SMC6: variants seen among roughly 807,000 people sequenced by gnomAD.
The protein encoded by SMC6 is structural maintenance of chromosomes 6, also known as structural maintenance of chromosomes protein 6.
In SMC6, 79 loss-of-function variants were observed where a neutral mutation model predicts 142.2. The observed-to-expected ratio is 0.56, with a 90% CI of 0.46 to 0.67. SMC6 has a LOEUF of 0.67. Ranked by LOEUF, SMC6 falls within the 30% of genes least tolerant of loss-of-function variation. The pLI, the probability that SMC6 is intolerant of heterozygous loss-of-function variation, is 0.00. For synonymous variants in SMC6, 411 were observed against 412.4 expected (o/e 1.00, Z 0.04); for missense variants, 1,072 against 1,284.0 (o/e 0.83, Z 2.52).
Position 17,741,837 on chromosome 2 carries a change from T to A in SMC6, c.121-108A>T, listed in dbSNP as rs1377252078. The A allele has an allele frequency of 7.9e-6, 5 of 633,770 alleles. No homozygotes were observed. The South Asian group carries it at 1.3e-4, about 17-fold the overall frequency. 39.3% of individuals were successfully genotyped at this position (633,770 alleles called of 1,614,324 possible). On this transcript the variant is annotated intron_variant, in intron 3 of 27. Coordinates refer to ENST00000448223, the MANE Select transcript of SMC6 (RefSeq NM_001142286.2). ...CTAGCACCATCACCAATGAAAAAAT[T>A]TACAGAAAGTGAATAATGGTAACTT...
chr2:17,732,353 A>G (rs932291736), intron 5 of SMC6, among the ~76,000 whole-genome samples: 2 of 152,220 alleles, frequency 1.3e-5, no homozygotes, highest in African/African-American at 4.8e-5. Context: ...AAAAAAGGTA[A>G]TTTTAATTTT....
At chr2:17,688,208 A>C (rs1667546452) in intron 23 of SMC6, among the ~76,000 whole-genome samples, 2 of 152,056 alleles carry the variant, frequency 1.3e-5, no homozygotes, top group African/African-American at 4.8e-5. Flanking sequence ...ATCATTCCTT[A>C]AAAAAAGGAA....
Position 17,726,471 on chromosome 2 carries a change from T to C in SMC6, c.544-2A>G. ...TAAAACAGAAACTGGATTATCCACC[T>C]CAAACAAACAAAAAGTCATTTTTGA... On this transcript the variant is annotated splice_acceptor_variant, in intron 7 of 27. Transcript: ENST00000448223. LOFTEE classifies it high-confidence loss of function. 6.2e-7 allele frequency: 1 copy of C among 1,605,994 alleles called. No individual in the cohort carries two copies. The highest frequency in any genetic ancestry group is 8.5e-7 in the Non-Finnish European group (1 of 1,177,786).
chr2:17,707,278 A>C lies in SMC6; in HGVS notation c.1947T>G (p.Tyr649Ter). 6.2e-7 allele frequency: 1 copy of C among 1,603,222 alleles called. No individual in the cohort carries two copies. The highest frequency in any genetic ancestry group is 8.5e-7 in the Non-Finnish European group (1 of 1,175,412). Residue 649 changes from tyrosine to a stop codon, truncating the protein, a stop_gained, in exon 18 of 28, where the codon TAT becomes TAG. Transcript: ENST00000448223. LOFTEE classifies it high-confidence loss of function. Reference protein sequence around the residue: ...ADGDQVFAGRYYSSENTRPKF... With the variant: ...ADGDQVFAGR ...TAGGTCTTGTATTTTCAGATGAATA[A>C]TAACGTCCTGCAAAAACTTGATCAC...
chr2:17,719,101 T>C (rs1177176012), intron 11 of SMC6, among the ~76,000 whole-genome samples: 3 of 152,184 alleles, frequency 2.0e-5, no homozygotes, highest in Admixed American at 2.0e-4. Context: ...AGGAGCTAGA[T>C]AGTGCACACT....
intron 26 of SMC6, 120 bp from the exon 27 acceptor site, chr2:17,666,637 T>C: frequency 1.5e-6 from 1 of 687,832 alleles, no homozygotes; most frequent in Admixed American, 2.5e-5. Flanking sequence ...CATTACATTA[T>C]CTATGATGTC....
intron 23 of SMC6, among the ~76,000 whole-genome samples, chr2:17,691,976 T>C (rs951378441): frequency 1.3e-5 from 2 of 151,998 alleles, no homozygotes; most frequent in African/African-American, 2.4e-5. Flanking sequence ...GAGAATAAAA[T>C]ACCTAGGAAT....
chr2:17,714,726 A>G, intron 16 of SMC6, 135 bp downstream of exon 16: 1 of 879,948 alleles, frequency 1.1e-6, no homozygotes, highest in South Asian at 1.6e-5. Context: ...ATACCTAGAC[A>G]GAAATTAAAG....
chr2:17,702,029 T>C, intron 19 of SMC6, 120 bp from the exon 20 acceptor site: 1 of 602,532 alleles, frequency 1.7e-6, no homozygotes, highest in Non-Finnish European at 3.0e-6. Context: ...CCATAATTAA[T>C]GAAAGGGGTA....
At chr2:17,678,776 TA>T (rs1051596172) in intron 25 of SMC6, 82 bp downstream of exon 25, 70 of 1,021,832 alleles carry the variant, frequency 6.9e-5, no homozygotes, top group African/African-American at 8.2e-5. Flanking sequence ...ACTCTGCCTC[TA>T]AAAAAAACCC....
At chr2:17,684,122 T>G (rs1667345930) in intron 23 of SMC6, among the ~76,000 whole-genome samples, 1 of 152,130 alleles carries the variant, frequency 6.6e-6, no homozygotes, top group South Asian at 2.1e-4. Flanking sequence ...TTTCCTTCAG[T>G]GACAGATGCC....
intron 23 of SMC6, among the ~76,000 whole-genome samples, chr2:17,686,421 G>C (rs1215662231): frequency 6.6e-6 from 1 of 152,296 alleles, no homozygotes; most frequent in African/African-American, 2.4e-5. Context: ...GGCAGAGGTT[G>C]CAGTGAGCCA....
At chr2:17,731,053 T>C (rs1669892062) in intron 7 of SMC6, 25 bp downstream of exon 7, 1 of 1,585,402 alleles carries the variant, frequency 6.3e-7, no homozygotes, top group Non-Finnish European at 8.6e-7. Flanking sequence ...TATGAATTAA[T>C]CTGAAACACA....
chr2:17,699,886 C>A (rs182980160), intron 21 of SMC6, among the ~76,000 whole-genome samples: 21 of 151,826 alleles, frequency 1.4e-4, no homozygotes, highest in African/African-American at 4.8e-4. Context: ...GGACAACAAG[C>A]AAGCACAGAG....
Position 17,708,765 on chromosome 2 carries a change from A to T in SMC6, c.1731-12T>A. 7.0e-7 allele frequency: 1 copy of T among 1,421,728 alleles called. No homozygotes were observed. Among genetic ancestry groups the T allele is most frequent in the Non-Finnish European group, 9.3e-7 (1 of 1,069,602 alleles). The allele number at this position is 1,421,728 out of a possible 1,614,324, so 88.1% of individuals were successfully genotyped here. On this transcript the variant is annotated splice_polypyrimidine_tract_variant and intron_variant, in intron 16 of 27. Transcript: ENST00000448223. Reference sequence around the variant, plus strand: ...GATGATAAGCAGCTCTAGGAGACAAAAATACAGAAGGATTAACTTAGCAAA... The same window carrying T: ...GATGATAAGCAGCTCTAGGAGACAATAATACAGAAGGATTAACTTAGCAAA...
chr2:17,726,367 T>C (rs1319587120), intron 8 of SMC6, 22 bp downstream of exon 8: 1 of 1,580,274 alleles, frequency 6.3e-7, no homozygotes, highest in South Asian at 1.1e-5. Context: ...AATGGGTTTA[T>C]ATTTACTTTG....
chr2:17,744,449 T>TA (rs1224571549), intron 3 of SMC6, among the ~76,000 whole-genome samples: 2 of 152,216 alleles, frequency 1.3e-5, no homozygotes, highest in Non-Finnish European at 2.9e-5. Context: ...TTATTCATTT[T>TA]AAGAGTTTTT....
At chr2:17,699,636 A>C (rs1572286733) in intron 21 of SMC6, among the ~76,000 whole-genome samples, 6 of 152,110 alleles carry the variant, frequency 3.9e-5, no homozygotes, top group Admixed American at 3.9e-4. Context: ...TGTTTGTTTC[A>C]GTCTATTTGT....
rs1233252179 is a variant in SMC6, at chr2:17,716,029, G to A, written c.1525+57C>T. On this transcript the variant is annotated intron_variant, in intron 15 of 27. Coordinates refer to ENST00000448223, the MANE Select transcript of SMC6 (RefSeq NM_001142286.2). Reference sequence around the variant, plus strand: ...TTCGAAAACTTCATTCAATCGTTCTGAAAATAAAAACTTATTTCTAAAGTT... The same window carrying A: ...TTCGAAAACTTCATTCAATCGTTCTAAAAATAAAAACTTATTTCTAAAGTT... 6.0e-6 allele frequency: 8 copies of A among 1,329,694 alleles called. No homozygotes were observed. The Admixed American group carries it at 2.0e-4, about 34-fold the overall frequency. The allele number at this position is 1,329,694 out of a possible 1,614,324, so 82.4% of individuals were successfully genotyped here.
Sources: allele counts gnomAD v4.1 joint callset (sites outside exome capture counted in the v4.1 genomes callset), GRCh38; gene constraint gnomAD v4.1.1; transcripts MANE v1.5; gene names NCBI Gene and HGNC (gene_info 2026-07-23, HGNC 2026-07-21).